The following SCFD1 variants were observed in gnomAD, a reference collection of about 807,000 sequenced individuals.
The protein encoded by SCFD1 is sec1 family domain containing 1, also known as sec1 family domain-containing protein 1.
Under a neutral mutation model 103.2 loss-of-function variants are expected in SCFD1, and 37 were observed. The ratio of observed to expected loss-of-function variants is 0.36; its 90% CI spans 0.28 to 0.47. SCFD1 has a LOEUF of 0.47. Among genes scored for constraint, SCFD1 ranks in the 20% least tolerant of loss-of-function variants. The pLI, the probability that SCFD1 is intolerant of heterozygous loss-of-function variation, is 1.00. For synonymous variants in SCFD1, 264 were observed against 245.0 expected (o/e 1.08, Z -0.73); for missense variants, 639 against 761.2 (o/e 0.84, Z 1.89).
At chr14:30,699,140 C>A (rs34346578) in intron 15 of SCFD1, among the ~76,000 whole-genome samples, 54 of 152,116 alleles carry the variant, frequency 3.5e-4, no homozygotes, top group Non-Finnish European at 6.8e-4. Context: ...TCCAAATGCC[C>A]CAAATACAAT....
At chr14:30,652,997 T>C (rs907766647) in intron 9 of SCFD1, among the ~76,000 whole-genome samples, 1 of 150,478 alleles carries the variant, frequency 6.6e-6, no homozygotes, top group Non-Finnish European at 1.5e-5. Context: ...TGACAGAGTC[T>C]CAAAAAAAAA....
At chr14:30,633,287 T>C (rs1012880005) in intron 3 of SCFD1, among the ~76,000 whole-genome samples, 6 of 152,220 alleles carry the variant, frequency 3.9e-5, no homozygotes, top group East Asian at 3.8e-4. Flanking sequence ...ATTCCTCATA[T>C]AAGCATGGTT....
intron 24 of SCFD1, 181 bp downstream of exon 24, chr14:30,735,039 T>G (rs1322860602): frequency 5.7e-6 from 3 of 526,456 alleles, no homozygotes; most frequent in African/African-American, 3.8e-5. Flanking sequence ...TAATAATGTT[T>G]CCAGTAGGAG....
intron 10 of SCFD1, among the ~76,000 whole-genome samples, chr14:30,669,453 A>C (rs1441419874): frequency 1.3e-5 from 2 of 152,090 alleles, no homozygotes. Flanking sequence ...GATGTAATGC[A>C]AGAAGTTGGG....
intron 10 of SCFD1, among the ~76,000 whole-genome samples, chr14:30,661,671 G>A (rs1237807663): frequency 1.3e-5 from 2 of 152,152 alleles, no homozygotes; most frequent in Admixed American, 1.3e-4. Flanking sequence ...TGTAAATTGT[G>A]TCGTTAGAGG....
chr14:30,729,898 G>T (rs955050391), intron 23 of SCFD1, among the ~76,000 whole-genome samples: 1 of 151,802 alleles, frequency 6.6e-6, no homozygotes, highest in South Asian at 2.1e-4. Context: ...TAGGGTGCGT[G>T]TGCACAACGT....
chr14:30,630,218 AAAT>A (rs1250920561), intron 2 of SCFD1, among the ~76,000 whole-genome samples: 1 of 152,226 alleles, frequency 6.6e-6, no homozygotes, highest in African/African-American at 2.4e-5. Context: ...ACATTTGGGT[AAAT>A]AATGATGGAA....
chr14:30,665,498 A>T (rs1194006101), intron 10 of SCFD1, among the ~76,000 whole-genome samples: 1 of 152,202 alleles, frequency 6.6e-6, no homozygotes, highest in East Asian at 1.9e-4. Context: ...TGGGCAGAAT[A>T]ACCAGCAAAT....
rs1346546510 is a variant in SCFD1 at position 30,622,409 on chromosome 14, T to A, written c.61+10T>A. On this transcript the variant is annotated intron_variant, in intron 1 of 24. Coordinates refer to ENST00000458591, the MANE Select transcript of SCFD1 (RefSeq NM_016106.4). ...CGGGAAAGGCAGACAGGTACTGACT[T>A]ATTCTCTTCTCCTTGAAGCTTCGTG... 6.4e-7 allele frequency: 1 copy of A among 1,551,560 alleles called. No individual in the cohort carries two copies. Among genetic ancestry groups the A allele is most frequent in the Non-Finnish European group, 8.7e-7 (1 of 1,146,946 alleles).
rs28597935 is a variant in SCFD1, at chr14:30,707,442, T to A, written c.1554-548T>A. Reference sequence around the variant, plus strand: ...CTAAGTCTGTTCTGTTTCACATTTTTTTATGATAGATTTTATGTATAGAGA... The same window carrying A: ...CTAAGTCTGTTCTGTTTCACATTTTATTATGATAGATTTTATGTATAGAGA... On this transcript the variant is annotated intron_variant, in intron 18 of 24. Transcript: ENST00000458591. Among the ~76,000 whole-genome samples the A allele has an allele frequency of 6.5e-3, 996 of 152,314 alleles. 18 individuals carry two copies. The highest frequency in any genetic ancestry group is 0.023 in the African/African-American group (953 of 41,554).
intron 2 of SCFD1, among the ~76,000 whole-genome samples, chr14:30,630,099 C>G (rs1883946663): frequency 6.6e-6 from 1 of 151,262 alleles, no homozygotes; most frequent in South Asian, 2.1e-4. Flanking sequence ...ATTTTATAGT[C>G]TCTATTTTTT....
rs1234101843 is a variant in SCFD1 at position 30,622,344 on chromosome 14, G to GGCGGCGGCGGCA, written c.10_21dup (p.Ala4_Ala7dup). The GGCGGCGGCGGCA allele has an allele frequency of 6.4e-6, 10 of 1,572,270 alleles. No individual in the cohort carries two copies. In the African/African-American group the frequency reaches 6.8e-5, roughly 11 times the overall value. On this transcript the variant is annotated inframe_insertion, in exon 1 of 25. Transcript: ENST00000458591. The stretch of plus-strand genomic sequence containing the variant: ...AGTGGCTCGTGGGAGCCAAGATGGC[G>GGCGGCGGCGGCA]GCGGCGGCGGCAGCGACAGCAGCAG...
At chr14:30,728,632 G>A (rs2139433764) in intron 23 of SCFD1, among the ~76,000 whole-genome samples, 1 of 152,246 alleles carries the variant, frequency 6.6e-6, no homozygotes, top group Non-Finnish European at 1.5e-5. Context: ...GTAATCATTT[G>A]AAGAACTACA....
intron 3 of SCFD1, among the ~76,000 whole-genome samples, chr14:30,632,292 A>G (rs1226580439): frequency 2.0e-5 from 3 of 152,176 alleles, no homozygotes; most frequent in Non-Finnish European, 4.4e-5. Flanking sequence ...TAATCAGCTC[A>G]AATTCTTCAG....
intron 14 of SCFD1, among the ~76,000 whole-genome samples, chr14:30,684,822 T>TTTTA (rs71112333): frequency 1.1e-4 from 15 of 138,624 alleles, no homozygotes; most frequent in East Asian, 2.1e-4. Context: ...TTTTTTTTTT[T>TTTTA]ATTATACTCT....
At chr14:30,726,200 T>TA (rs138643663) in intron 23 of SCFD1, among the ~76,000 whole-genome samples, 11,850 of 152,234 alleles carry the variant, frequency 0.078, 752 homozygotes, top group African/African-American at 0.17. Flanking sequence ...TTATAACTTT[T>TA]AAAAAAATTG....
chr14:30,659,755 A>G (rs1887264182), intron 10 of SCFD1, among the ~76,000 whole-genome samples: 1 of 147,292 alleles, frequency 6.8e-6, no homozygotes, highest in Non-Finnish European at 1.5e-5. Flanking sequence ...TCAGTGGCAT[A>G]AAATAATAAA....
chr14:30,623,696 T>A (rs1449371389), intron 1 of SCFD1, among the ~76,000 whole-genome samples: 1 of 152,242 alleles, frequency 6.6e-6, no homozygotes, highest in Non-Finnish European at 1.5e-5. Context: ...TGCAGAAATT[T>A]TGTAGATCAT....
chr14:30,701,877 A>T (rs1024252621), intron 16 of SCFD1, among the ~76,000 whole-genome samples: 1 of 152,184 alleles, frequency 6.6e-6, no homozygotes. Context: ...CCCTAGAATG[A>T]AAATGAGATG....
Sources: gnomAD v4.1 joint callset for allele counts (sites outside exome capture counted in the v4.1 genomes callset) on GRCh38, gnomAD v4.1.1 for gene constraint, MANE v1.5 for transcripts, NCBI Gene and HGNC (gene_info 2026-07-23, HGNC 2026-07-21) for gene names.